Variants in THEM4 observed in about 807,000 individuals in gnomAD.
THEM4 encodes the protein acyl-coenzyme A thioesterase THEM4.
A neutral mutation model predicts 25.0 loss-of-function variants in THEM4; 22 were observed. The observed-to-expected ratio is 0.88, with a 90% CI of 0.63 to 1.26. THEM4 has a LOEUF of 1.26. THEM4 is among the 50% of genes most tolerant of loss of function. The probability of loss-of-function intolerance (pLI) is 0.00; values close to 1 mark genes in which losing one functional copy is unlikely to be tolerated. For synonymous variants in THEM4, 113 were observed against 105.6 expected (o/e 1.07, Z -0.43); for missense variants, 286 against 300.3 (o/e 0.95, Z 0.35).
intron 1 of THEM4, among the ~76,000 whole-genome samples, chr1:151,895,489 G>A (rs1654203198): frequency 2.0e-5 from 3 of 152,072 alleles, no homozygotes; most frequent in Non-Finnish European, 2.9e-5. Context: ...GCACAGGTAA[G>A]CCCAGCACAC....
chr1:151,894,698 T>TTAGA, intron 2 of THEM4: 2 of 531,242 alleles, frequency 3.8e-6, no homozygotes, highest in Non-Finnish European at 3.3e-6. Context: ...TGAAATGAGA[T>TTAGA]TAGATGACAG....
At chr1:151,883,639 AT>A (rs201272659) in intron 4 of THEM4, among the ~76,000 whole-genome samples, 1,472 of 141,428 alleles carry the variant, frequency 0.01, 26 homozygotes, top group Admixed American at 0.027. Flanking sequence ...TTAATTGTGC[AT>A]TTTTTTTTTT....
chr1:151,890,179 A>T (rs1654064422), intron 2 of THEM4: 1 of 457,322 alleles, frequency 2.2e-6, no homozygotes, highest in African/African-American at 2.0e-5. Flanking sequence ...TGCTGGGATT[A>T]TAGGCGTGAG....
At chr1:151,889,457 A>C in intron 2 of THEM4, 84 bp from the exon 3 acceptor site, 1 of 1,367,368 alleles carries the variant, frequency 7.3e-7, no homozygotes, top group South Asian at 1.4e-5. Flanking sequence ...ACCCTGCTAG[A>C]ATCACATGTC....
At position 151,873,126 on chromosome 1, in the gene THEM4, T is replaced by C. The variant is rs576769672; in HGVS notation, c.*1762A>G. ...CTGGCGGCAATGCTGCTGTTACTCT[T>C]TGCTACACTGAGATGTTTGGGTGGA... On this transcript the variant is annotated 3_prime_UTR_variant, in exon 6 of 6. Coordinates refer to ENST00000368814, the MANE Select transcript of THEM4 (RefSeq NM_053055.5). 3.5e-4 allele frequency among the ~76,000 whole-genome samples: 53 copies of C among 152,280 alleles called. 1 individual carries two copies. The highest frequency in any genetic ancestry group is 9.2e-4 in the Admixed American group (14 of 15,294).
intron 4 of THEM4, among the ~76,000 whole-genome samples, chr1:151,885,086 TA>T (rs1653937672): frequency 7.9e-3 from 4 of 506 alleles, no homozygotes; most frequent in Non-Finnish European, 0.043. Context: ...TTTCATCTTT[TA>T]TTTATTTATT....
At position 151,876,983 on chromosome 1, in the gene THEM4, A is replaced by G; in HGVS notation, c.682+18T>C. 1 of 1,595,984 alleles carries G rather than the reference A, an allele frequency of 6.3e-7. No individual in the cohort carries two copies. The highest frequency in any genetic ancestry group is 8.5e-7 in the Non-Finnish European group (1 of 1,174,350). On this transcript the variant is annotated intron_variant, in intron 5 of 5. Coordinates refer to ENST00000368814, the MANE Select transcript of THEM4 (RefSeq NM_053055.5). Reference sequence around the variant, plus strand: ...AACCCAACTAAACCCCAAGAAAGAGATAAGACCAGCTTCTTACTTGTCGCC... The same window carrying G: ...AACCCAACTAAACCCCAAGAAAGAGGTAAGACCAGCTTCTTACTTGTCGCC...
At chr1:151,907,984 C>T (rs1654509360) in intron 1 of THEM4, among the ~76,000 whole-genome samples, 1 of 152,182 alleles carries the variant, frequency 6.6e-6, no homozygotes, top group South Asian at 2.1e-4. Flanking sequence ...GGCTGGCGTT[C>T]CCTACCAGGT....
In THEM4 at chr1:151,884,032, G is replaced by A. The variant is rs1260591534; in HGVS notation, c.557+4241C>T. 6.0e-5 allele frequency among the ~76,000 whole-genome samples: 9 copies of A among 150,480 alleles called. No homozygotes were observed. In the South Asian group the frequency reaches 6.5e-4, roughly 11 times the overall value. ...AGAGGTTGCAGTGAGCTGAGATTGC[G>A]CCACTGCACTCCAGCCTGGGTGGCA... On this transcript the variant is annotated intron_variant, in intron 4 of 5. Coordinates refer to ENST00000368814, the MANE Select transcript of THEM4 (RefSeq NM_053055.5).
Position 151,909,459 on chromosome 1 carries a change from G to A in THEM4, c.-1C>T, listed in dbSNP as rs1043253345. On this transcript the variant is annotated 5_prime_UTR_variant, in exon 1 of 6. Transcript: ENST00000368814. ...GGCGCGCGGCGCAGCTCCTCAGCAT[G>A]GCTCCGGGCCGCGGGGCCGCGCTTG... 2.9e-6 allele frequency: 4 copies of A among 1,390,678 alleles called. No homozygotes were observed. The African/African-American group carries it at 4.6e-5, about 16-fold the overall frequency. 86.1% of individuals were successfully genotyped at this position (1,390,678 alleles called of 1,614,324 possible).
chr1:151,902,803 C>T (rs1322790084), intron 1 of THEM4, among the ~76,000 whole-genome samples: 2 of 152,120 alleles, frequency 1.3e-5, no homozygotes, highest in East Asian at 3.8e-4. Context: ...GCCTGGCCAA[C>T]ATGGTGAAAC....
chr1:151,887,212 T>C (rs551455096), intron 4 of THEM4, among the ~76,000 whole-genome samples: 1 of 152,180 alleles, frequency 6.6e-6, no homozygotes, highest in Non-Finnish European at 1.5e-5. Flanking sequence ...GCGGATCACT[T>C]GAGGCCAGGA....
intron 4 of THEM4, 50 bp from the exon 5 acceptor site, chr1:151,877,175 A>G (rs758279328): frequency 7.7e-6 from 12 of 1,550,494 alleles, no homozygotes; most frequent in African/African-American, 1.4e-5. Context: ...TCTGACTTAT[A>G]TAACATTAAA....
At position 151,872,262 on chromosome 1, in the gene THEM4, T is replaced by C. The variant is rs2059914308; in HGVS notation, c.*2626A>G. Among the ~76,000 whole-genome samples the C allele has an allele frequency of 6.6e-6, 1 of 152,218 alleles. No homozygotes were observed. Among genetic ancestry groups the C allele is most frequent in the Non-Finnish European group, 1.5e-5 (1 of 68,036 alleles). ...ATCCCAGGTCAGTCAGCTCTGGCAA[T>C]GGAGGGCTCCAGCTGATCTTTTGGC... is the stretch of plus-strand genomic sequence containing the variant. On this transcript the variant is annotated 3_prime_UTR_variant, in exon 6 of 6. Coordinates refer to ENST00000368814, the MANE Select transcript of THEM4 (RefSeq NM_053055.5).
Position 151,909,334 on chromosome 1 carries a change from C to G in THEM4, c.99+26G>C, listed in dbSNP as rs777686672. 6.4e-5 allele frequency: 96 copies of G among 1,508,820 alleles called. 1 individual carries two copies. The Middle Eastern group carries it at 1.4e-3, about 22-fold the overall frequency. 93.5% of individuals were successfully genotyped at this position (1,508,820 alleles called of 1,614,324 possible). On this transcript the variant is annotated intron_variant, in intron 1 of 5. Coordinates refer to ENST00000368814, the MANE Select transcript of THEM4 (RefSeq NM_053055.5). The stretch of plus-strand genomic sequence containing the variant: ...CGTGTTTCTGAGTCCTGCTCCCGCC[C>G]CATGCCCGAGGGTGCCCAGACTCAC...
chr1:151,887,254 C>T (rs1041260310), intron 4 of THEM4, among the ~76,000 whole-genome samples: 1 of 152,074 alleles, frequency 6.6e-6, no homozygotes. Context: ...CAAAGTGAAA[C>T]ACTGTCTCTA....
At position 151,877,090 on chromosome 1, in the gene THEM4, C is replaced by G; in HGVS notation, c.593G>C (p.Ser198Thr). ...IPLCSVVMIN[S>T]QLDKVEGRKF... is the part of the protein sequence containing the mutation. ...CCTTCCTTCAACTTTATCAAGTTGG[C>G]TATTTATCATAACAACAGAACAAAG... The change falls in exon 5 of 6, where the codon AGC becomes ACC. Residue 198 changes from serine (S) to threonine (T), a missense_variant. Physicochemically the swap from Ser to Thr is moderately conservative, Grantham distance 58. Transcript: ENST00000368814. The G allele has an allele frequency of 6.2e-7, 1 of 1,613,376 alleles. No individual in the cohort carries two copies. Among genetic ancestry groups the G allele is most frequent in the South Asian group, 1.1e-5 (1 of 90,918 alleles).
chr1:151,903,522 A>C (rs192652568), intron 1 of THEM4, among the ~76,000 whole-genome samples: 39 of 152,348 alleles, frequency 2.6e-4, no homozygotes, highest in Admixed American at 1.2e-3. Flanking sequence ...CTCTAAATGA[A>C]AATGTCCACT....
chr1:151,893,397 A>G (rs1284252267), intron 2 of THEM4, among the ~76,000 whole-genome samples: 1 of 133,162 alleles, frequency 7.5e-6, no homozygotes, highest in Admixed American at 8.3e-5. Flanking sequence ...AAAAACAAAA[A>G]AACAACAAAA....
Sources: allele counts gnomAD v4.1 joint callset (sites outside exome capture counted in the v4.1 genomes callset), GRCh38; gene constraint gnomAD v4.1.1; transcripts MANE v1.5; gene names NCBI Gene and HGNC (gene_info 2026-07-23, HGNC 2026-07-21).